MEGF9: variants seen among roughly 807,000 people sequenced by gnomAD.
The protein encoded by MEGF9 is multiple EGF like domains 9.
Under a neutral mutation model 46.8 loss-of-function variants are expected in MEGF9, and 6 were observed. The observed-to-expected ratio is 0.13, with a 90% CI of 0.07 to 0.25. MEGF9 has a LOEUF of 0.25. Among genes scored for constraint, MEGF9 ranks in the 10% least tolerant of loss-of-function variants. The pLI is 1.00. For synonymous variants in MEGF9, 302 were observed against 330.7 expected (o/e 0.91, Z 0.94); for missense variants, 683 against 792.4 (o/e 0.86, Z 1.66).
intron 2 of MEGF9, among the ~76,000 whole-genome samples, chr9:120,645,550 A>G (rs1271972303): frequency 6.6e-6 from 1 of 152,194 alleles, no homozygotes; most frequent in Non-Finnish European, 1.5e-5. Context: ...TTTTATACCT[A>G]GCATCACAGG....
chr9:120,644,110 T>C (rs368590445), intron 2 of MEGF9, among the ~76,000 whole-genome samples: 9 of 152,352 alleles, frequency 5.9e-5, no homozygotes, highest in African/African-American at 2.2e-4. Flanking sequence ...TCCCTAATTT[T>C]TCTACCAGTA....
intron 2 of MEGF9, among the ~76,000 whole-genome samples, chr9:120,623,676 C>T (rs534494780): frequency 2.0e-5 from 3 of 152,194 alleles, no homozygotes; most frequent in South Asian, 2.1e-4. Flanking sequence ...CGGTCTTACA[C>T]AAGAATATCC....
At chr9:120,670,129 C>T (rs986489828) in intron 1 of MEGF9, among the ~76,000 whole-genome samples, 5 of 152,188 alleles carry the variant, frequency 3.3e-5, no homozygotes, top group Non-Finnish European at 7.3e-5. Context: ...CTAAATCTCA[C>T]TCTGTCACCC....
intron 2 of MEGF9, among the ~76,000 whole-genome samples, chr9:120,631,952 G>A (rs2043552546): frequency 6.6e-6 from 1 of 151,084 alleles, no homozygotes; most frequent in Admixed American, 6.6e-5. Context: ...TTTTTGAGAT[G>A]GAGTCTCACT....
Position 120,659,559 on chromosome 9 carries a change from G to A in MEGF9, c.618C>T (p.Cys206=), listed in dbSNP as rs1279091223. Residue 206 remains cysteine, a synonymous_variant, in exon 2 of 6, where the codon TGC becomes TGT. Transcript: ENST00000373930. ...TCACATTCAGGCTTCCAACCACAGA[G>A]CAGTTACATACATACTCTGCAAAGG... The part of the protein sequence containing the change: ...SSPPPEYVCN[C]SVVGSLNVNR... The A allele has an allele frequency of 6.2e-7, 1 of 1,611,904 alleles. No individual in the cohort carries two copies. The highest frequency in any genetic ancestry group is 1.7e-5 in the Admixed American group (1 of 59,684).
intron 1 of MEGF9, among the ~76,000 whole-genome samples, chr9:120,700,247 C>T (rs1234431167): frequency 1.3e-5 from 2 of 152,216 alleles, no homozygotes; most frequent in Admixed American, 6.5e-5. Context: ...TTTAGTTCTT[C>T]TGACTTCGAT....
At chr9:120,649,353 G>A (rs1312769429) in intron 2 of MEGF9, among the ~76,000 whole-genome samples, 1 of 152,200 alleles carries the variant, frequency 6.6e-6, no homozygotes, top group Non-Finnish European at 1.5e-5. Flanking sequence ...GCTACTATCT[G>A]TGTGGAGTTT....
chr9:120,634,446 CTTTTTT>C (rs1158273579), intron 2 of MEGF9, among the ~76,000 whole-genome samples: 28 of 46,924 alleles, frequency 6.0e-4, no homozygotes, highest in South Asian at 1.1e-3. Flanking sequence ...TGTGGAATAT[CTTTTTT>C]TTTTTTTTTT....
In MEGF9 at chr9:120,714,432, C is replaced by T. The variant is rs1317538285; in HGVS notation, c.-74G>A. 3.5e-6 allele frequency: 4 copies of T among 1,158,290 alleles called. No homozygotes were observed. The highest frequency in any genetic ancestry group is 4.4e-6 in the Non-Finnish European group (4 of 919,204). 71.8% of individuals were successfully genotyped at this position (1,158,290 alleles called of 1,614,324 possible). A position where few individuals can be genotyped will look rare whatever the true frequency, so the allele number is the denominator to read the frequency against. On this transcript the variant is annotated 5_prime_UTR_variant, in exon 1 of 6. Transcript: ENST00000373930. The stretch of plus-strand genomic sequence containing the variant: ...ACCAAGGAAGCCTCCGCAACCGCCG[C>T]CGCCACCGCCACCGGGCGCACCATC...
chr9:120,671,353 A>G (rs1409228503), intron 1 of MEGF9, among the ~76,000 whole-genome samples: 1 of 152,248 alleles, frequency 6.6e-6, no homozygotes, highest in Non-Finnish European at 1.5e-5. Flanking sequence ...AGCTGTAGCC[A>G]ATCTACCAAT....
chr9:120,620,829 T>A (rs867423412), intron 3 of MEGF9, among the ~76,000 whole-genome samples: 11 of 150,236 alleles, frequency 7.3e-5, no homozygotes, highest in Admixed American at 2.7e-4. Context: ...AACTGGCAAA[T>A]AGGCAGAGAC....
chr9:120,711,840 T>TACACACACACACACACACACACAC (rs146669450), intron 1 of MEGF9, among the ~76,000 whole-genome samples: 3 of 139,158 alleles, frequency 2.2e-5, no homozygotes, highest in African/African-American at 5.7e-5. Context: ...TATACATACA[T>TACACACACACACACACACACACAC]ACATACACAC....
At chr9:120,625,853 A>G (rs1981022) in intron 2 of MEGF9, among the ~76,000 whole-genome samples, 7,091 of 105,974 alleles carry the variant, frequency 0.067, 198 homozygotes, top group Middle Eastern at 0.089. Flanking sequence ...AAAAAAAAAA[A>G]AAAGAAAGAA....
intron 1 of MEGF9, among the ~76,000 whole-genome samples, chr9:120,711,871 A>ACACACCC (rs145059704): frequency 3.3e-5 from 5 of 150,108 alleles, no homozygotes; most frequent in African/African-American, 1.2e-4. Flanking sequence ...ACACACACAC[A>ACACACCC]CCCACAGGCC....
In MEGF9 at chr9:120,607,959, C is replaced by A; in HGVS notation, c.1139G>T (p.Gly380Val). 2 of 1,613,974 alleles carry A rather than the reference C, an allele frequency of 1.2e-6. No homozygotes were observed. Among genetic ancestry groups the A allele is most frequent in the Non-Finnish European group, 1.7e-6 (2 of 1,179,864 alleles). Residue 380 changes from glycine (G) to valine (V), a missense_variant, in exon 5 of 6, where the codon GGC (glycine) becomes GTC (valine). By Grantham distance (109) the Gly-to-Val change is moderately radical. This residue lies in a region of MEGF9 where 313 missense variants were observed against 421.1 expected (regional missense o/e 0.74). Transcript: ENST00000373930. ...ECDQCKDGYI[G>V]PNCNKCENGY... ...ATTTTCACATTTATTGCAGTTCGGGCCTATGTAACCATCTTTACACTGGTC... is the reference window on the plus strand; with the variant it reads ...ATTTTCACATTTATTGCAGTTCGGGACTATGTAACCATCTTTACACTGGTC...
chr9:120,620,280 T>C (rs2043493125), intron 3 of MEGF9, among the ~76,000 whole-genome samples: 1 of 152,226 alleles, frequency 6.6e-6, no homozygotes, highest in African/African-American at 2.4e-5. Context: ...GTAATTTTAA[T>C]CGACTCAGTA....
chr9:120,647,809 ACAT>A (rs1444314221), intron 2 of MEGF9, among the ~76,000 whole-genome samples: 1 of 152,142 alleles, frequency 6.6e-6, no homozygotes, highest in Non-Finnish European at 1.5e-5. Flanking sequence ...TTGAAACCTA[ACAT>A]CATCATGTCC....
rs557118689 is a variant in MEGF9, at chr9:120,603,611, T to G, written c.*1579A>C. The stretch of plus-strand genomic sequence containing the variant: ...TTTTTCTAACCACTTCACAGTTCAC[T>G]GTTCCTCCTAATAAGTTATATTTAA... On this transcript the variant is annotated 3_prime_UTR_variant, in exon 6 of 6. Transcript: ENST00000373930. The G allele has an allele frequency of 1.6e-4, 25 of 152,328 alleles. No homozygotes were observed. Among genetic ancestry groups the G allele is most frequent in the African/African-American group, 5.8e-4 (24 of 41,578 alleles). 9.4% of individuals were successfully genotyped at this position (152,328 alleles called of 1,614,324 possible).
At chr9:120,624,480 G>C (rs1476895990) in intron 2 of MEGF9, among the ~76,000 whole-genome samples, 2 of 151,990 alleles carry the variant, frequency 1.3e-5, no homozygotes, top group East Asian at 3.8e-4. Context: ...CGTCTGCCTT[G>C]GCCTCCGAAA....
Sources: allele counts gnomAD v4.1 joint callset (sites outside exome capture counted in the v4.1 genomes callset), GRCh38; gene constraint gnomAD v4.1.1; regional missense constraint gnomAD v4.1.1; transcripts MANE v1.5; gene names NCBI Gene and HGNC (gene_info 2026-07-23, HGNC 2026-07-21).